NADK2: variants seen among roughly 807,000 people sequenced by gnomAD.
The protein encoded by NADK2 is NAD kinase 2, mitochondrial, also known as NAD kinase domain-containing protein 1, mitochondrial.
A neutral mutation model predicts 62.1 loss-of-function variants in NADK2; 35 were observed. The ratio of observed to expected loss-of-function variants is 0.56; its 90% confidence interval spans 0.43 to 0.75. The LOEUF (loss-of-function observed/expected upper bound fraction) is 0.75. Ranked by LOEUF, NADK2 falls within the 30% of genes least tolerant of loss-of-function variation. The pLI is 0.00. For missense variants in NADK2, 439 were observed against 561.3 expected (o/e 0.78, Z 2.20); for synonymous variants, 205 against 207.9 (o/e 0.99, Z 0.12).
Position 36,236,989 on chromosome 5 carries a change from T to C in NADK2, c.300+4510A>G, listed in dbSNP as rs1037340168. Among the ~76,000 whole-genome samples the C allele has an allele frequency of 3.3e-5, 5 of 151,328 alleles. No individual in the cohort carries two copies. In the East Asian group the frequency reaches 7.8e-4, roughly 23 times the overall value. Reference sequence around the variant, plus strand: ...CAAATTCAACCACCCTGAAATACCATCTTTCACCCACCAGGTTGGCAAAGA... The same window carrying C: ...CAAATTCAACCACCCTGAAATACCACCTTTCACCCACCAGGTTGGCAAAGA... On this transcript the variant is annotated intron_variant, in intron 1 of 11. Coordinates refer to ENST00000381937, the MANE Select transcript of NADK2 (RefSeq NM_001085411.3).
At chr5:36,213,618 C>CATACATATATATATATATATATATATAT (rs1746932852) in intron 6 of NADK2, among the ~76,000 whole-genome samples, 2 of 107,536 alleles carry the variant, frequency 1.9e-5, no homozygotes, top group Non-Finnish European at 4.1e-5. Flanking sequence ...TATATGCATG[C>CATACATATATATATATATATATATATAT]ATATATATAT....
At chr5:36,236,190 T>TATA (rs756366456) in intron 1 of NADK2, among the ~76,000 whole-genome samples, 26 of 152,192 alleles carry the variant, frequency 1.7e-4, no homozygotes, top group Non-Finnish European at 2.6e-4. Flanking sequence ...AGATAATGCT[T>TATA]ATATACAGTG....
At chr5:36,240,769 CTTT>C (rs1018725685) in intron 1 of NADK2, among the ~76,000 whole-genome samples, 1 of 152,138 alleles carries the variant, frequency 6.6e-6, no homozygotes, top group Non-Finnish European at 1.5e-5. Context: ...GAGTCGCAGG[CTTT>C]TTTATTTCAC....
At chr5:36,217,046 G>A (rs571852257) in intron 6 of NADK2, among the ~76,000 whole-genome samples, 1 of 152,082 alleles carries the variant, frequency 6.6e-6, no homozygotes, top group East Asian at 1.9e-4. Context: ...TAAACATCAG[G>A]TACCATGAGA....
At chr5:36,200,196 CTG>C in intron 10 of NADK2, 29 bp downstream of exon 10, 1 of 1,508,552 alleles carries the variant, frequency 6.6e-7, no homozygotes, top group East Asian at 2.4e-5. Flanking sequence ...CAGAACTAAA[CTG>C]TTAGTGATTA....
At position 36,241,470 on chromosome 5, in the gene NADK2, G is replaced by A. The variant is rs2112223352; in HGVS notation, c.300+29C>T. 2.0e-6 allele frequency: 3 copies of A among 1,507,598 alleles called. No homozygotes were observed. In the South Asian group the frequency reaches 3.6e-5, roughly 18 times the overall value. The allele number at this position is 1,507,598 out of a possible 1,614,324, so 93.4% of individuals were successfully genotyped here. ...CCACCAGAGCCCCGGCCGAGCCCGG[G>A]AGCGAAGCGGGGCCGAGCCAGGACC... On this transcript the variant is annotated intron_variant, in intron 1 of 11. Coordinates refer to ENST00000381937, the MANE Select transcript of NADK2 (RefSeq NM_001085411.3). This position sits in a 1 kb window ranked among gnomAD's most constrained non-coding sequence, Gnocchi z 4.9.
Position 36,241,321 on chromosome 5 carries a change from C to G in NADK2, c.300+178G>C, listed in dbSNP as rs1159524742. 8.0e-7 allele frequency: 1 copy of G among 1,252,216 alleles called. No homozygotes were observed. Among genetic ancestry groups the G allele is most frequent in the East Asian group, 3.2e-5 (1 of 31,252 alleles). 77.6% of individuals were successfully genotyped at this position (1,252,216 alleles called of 1,614,324 possible). On this transcript the variant is annotated intron_variant, in intron 1 of 11. Transcript: ENST00000381937. The surrounding 1 kb of genome is among the most constrained non-coding windows in gnomAD (Gnocchi z 4.9). ...GCCCTGCCTCTCCCTCGCACACACG[C>G]CCAAAGGCAAAGGAGGCCCAGGGAG...
intron 4 of NADK2, among the ~76,000 whole-genome samples, chr5:36,219,940 A>G (rs1747203366): frequency 6.6e-6 from 1 of 152,242 alleles, no homozygotes; most frequent in Admixed American, 6.5e-5. Flanking sequence ...CAATGAAACT[A>G]AAAATAGCAG....
intron 2 of NADK2, among the ~76,000 whole-genome samples, chr5:36,227,082 T>C (rs1360818539): frequency 6.6e-6 from 1 of 152,232 alleles, no homozygotes; most frequent in African/African-American, 2.4e-5. Flanking sequence ...AGTTCTGAAT[T>C]AACTGAAGTT....
intron 8 of NADK2, among the ~76,000 whole-genome samples, chr5:36,206,602 A>AC (rs1746649958): frequency 3.9e-5 from 6 of 152,228 alleles, no homozygotes; most frequent in Admixed American, 3.9e-4. Flanking sequence ...CAAAAAGAAA[A>AC]ACTGAAGACA....
rs1748138579 is a variant in NADK2 at position 36,241,717 on chromosome 5, C to T, written c.82G>A (p.Ala28Thr). 8.5e-7 allele frequency: 1 copy of T among 1,171,850 alleles called. No individual in the cohort carries two copies. Among genetic ancestry groups the T allele is most frequent in the Non-Finnish European group, 1.1e-6 (1 of 951,996 alleles). The allele number at this position is 1,171,850 out of a possible 1,614,324, so 72.6% of individuals were successfully genotyped here. Residue 28 changes from alanine (A) to threonine (T), a missense_variant, in exon 1 of 12, where the codon GCG (alanine) becomes ACG (threonine). Transcript: ENST00000381937. This position sits in a 1 kb window ranked among gnomAD's most constrained non-coding sequence, Gnocchi z 4.9. Reference protein sequence around the residue: ...GRAAALRGPGAGGPAARPRLG... With the variant: ...GRAAALRGPGTGGPAARPRLG... ...CGGGGCCGCGCGGCGGGGCCTCCCG[C>T]ACCCGGTCCCCGCAGCGCCGCCGCC... is the stretch of plus-strand genomic sequence containing the variant.
intron 3 of NADK2, 62 bp from the exon 4 acceptor site, chr5:36,225,685 GC>G: frequency 6.6e-7 from 1 of 1,519,858 alleles, no homozygotes. Flanking sequence ...CTAGTTTTTG[GC>G]CATTTTGAAA....
intron 8 of NADK2, among the ~76,000 whole-genome samples, chr5:36,204,955 TA>T (rs1297042962): frequency 6.6e-6 from 1 of 152,084 alleles, no homozygotes; most frequent in Non-Finnish European, 1.5e-5. Context: ...TAAAATAGTT[TA>T]AGAAGTCATG....
Position 36,211,882 on chromosome 5 carries a change from T to G in NADK2, c.822A>C (p.Ala274=). 4 of 1,613,650 alleles carry G rather than the reference T, an allele frequency of 2.5e-6. No homozygotes were observed. Among genetic ancestry groups the G allele is most frequent in the Non-Finnish European group, 3.4e-6 (4 of 1,179,738 alleles). ...TCTCCCCAATGAAGACTTCATTTAG[T>G]GCTCTCACTGGCAGAAGTTGGGGTC... ...ASGPQLLPVR[A]LNEVFIGESL... is the part of the protein sequence containing the mutation. The change falls in exon 7 of 12, where the codon GCA becomes GCC. Residue 274 remains alanine (A), a synonymous_variant. Transcript: ENST00000381937.
chr5:36,225,550 A>G lies in NADK2; in HGVS notation c.552T>C (p.Asp184=), dbSNP rs556194146. 6.2e-7 allele frequency: 1 copy of G among 1,612,778 alleles called. No homozygotes were observed. The highest frequency in any genetic ancestry group is 8.5e-7 in the Non-Finnish European group (1 of 1,179,310). The part of the protein sequence containing the change: ...RLKPVIGVNT[D]PERSEGHLCL... ...TATACGTTCTTTCTTACCGTTCTGG[A>G]TCAGTGTTTACCCCTATAACTGGTT... is the stretch of plus-strand genomic sequence containing the variant. Residue 184 remains aspartate (D), a synonymous_variant, in exon 4 of 12, where the codon GAT becomes GAC. Transcript: ENST00000381937.
chr5:36,193,232 A>G lies in NADK2; in HGVS notation c.*1912T>C, dbSNP rs1561050071. On this transcript the variant is annotated 3_prime_UTR_variant, in exon 12 of 12. Coordinates refer to ENST00000381937, the MANE Select transcript of NADK2 (RefSeq NM_001085411.3). Reference sequence around the variant, plus strand: ...GGTGGCTCATGCCTGTAATCCCAATACTGGGAGGCCGAGGCAGGCAGATCA... The same window carrying G: ...GGTGGCTCATGCCTGTAATCCCAATGCTGGGAGGCCGAGGCAGGCAGATCA... The G allele has an allele frequency of 6.6e-6, 1 of 152,072 alleles. No homozygotes were observed. The highest frequency in any genetic ancestry group is 2.4e-5 in the African/African-American group (1 of 41,394). 9.4% of individuals were successfully genotyped at this position (152,072 alleles called of 1,614,324 possible).
chr5:36,222,978 T>C (rs537011919), intron 4 of NADK2, among the ~76,000 whole-genome samples: 150 of 152,172 alleles, frequency 9.9e-4, no homozygotes, highest in Non-Finnish European at 2.0e-3. Flanking sequence ...CCAGTGTGGC[T>C]AGAATAGAAT....
At chr5:36,218,044 T>C (rs1579619297) in intron 5 of NADK2, 160 bp from the exon 6 acceptor site, 1 of 578,758 alleles carries the variant, frequency 1.7e-6, no homozygotes. Context: ...AGCTTCCTTA[T>C]CAATGACAGA....
chr5:36,222,345 C>T (rs1674236977), intron 4 of NADK2, among the ~76,000 whole-genome samples: 1 of 152,124 alleles, frequency 6.6e-6, no homozygotes, highest in African/African-American at 2.4e-5. Context: ...AGCTCCCCAC[C>T]AGAGTAAAAG....
Sources: allele counts gnomAD v4.1 joint callset (sites outside exome capture counted in the v4.1 genomes callset), GRCh38; gene constraint gnomAD v4.1.1; non-coding constraint Gnocchi (gnomAD v3.1); transcripts MANE v1.5; gene names NCBI Gene and HGNC (gene_info 2026-07-23, HGNC 2026-07-21).